Variants in SUCLG2 observed in about 807,000 individuals in gnomAD.
SUCLG2 encodes the protein succinate-CoA ligase GDP-forming subunit beta, also known as succinate--CoA ligase [GDP-forming] subunit beta, mitochondrial.
A neutral mutation model predicts 47.9 loss-of-function variants in SUCLG2; 42 were observed. The ratio of observed to expected loss-of-function variants is 0.88; its 90% confidence interval spans 0.69 to 1.14. The LOEUF (loss-of-function observed/expected upper bound fraction) is 1.14, where lower values mean the gene tolerates loss of function less well. Ranked by LOEUF, SUCLG2 falls within the 50% of genes most tolerant of loss-of-function variation. The probability of loss-of-function intolerance (pLI) is 0.00; values close to 1 mark genes in which losing one functional copy is unlikely to be tolerated. For synonymous variants in SUCLG2, 195 were observed against 197.3 expected (o/e 0.99, Z 0.10); for missense variants, 571 against 525.9 (o/e 1.09, Z -0.84).
intron 1 of SUCLG2, among the ~76,000 whole-genome samples, chr3:67,612,408 A>G (rs1458756565): frequency 7.5e-6 from 1 of 133,584 alleles, no homozygotes; most frequent in African/African-American, 3.1e-5. Context: ...ATTTATGTTT[A>G]CTTCTGCATT....
intron 10 of SUCLG2, among the ~76,000 whole-genome samples, chr3:67,380,038 A>G (rs560364138): frequency 1.3e-5 from 2 of 152,318 alleles, no homozygotes; most frequent in South Asian, 4.1e-4. Flanking sequence ...ATTCCCACAT[A>G]CAAAGTGTGC....
intron 2 of SUCLG2, among the ~76,000 whole-genome samples, chr3:67,533,681 T>C (rs1185340948): frequency 6.6e-6 from 1 of 152,114 alleles, no homozygotes. Flanking sequence ...TCAAAGGAAA[T>C]GAGCTCACTT....
intron 10 of SUCLG2, among the ~76,000 whole-genome samples, chr3:67,396,622 A>C (rs1448382597): frequency 6.6e-6 from 1 of 152,126 alleles, no homozygotes; most frequent in East Asian, 1.9e-4. Flanking sequence ...ATTCCTTCTG[A>C]AACTACTCTA....
chr3:67,515,777 C>T (rs1399334809), intron 6 of SUCLG2, among the ~76,000 whole-genome samples: 1 of 152,118 alleles, frequency 6.6e-6, no homozygotes, highest in Non-Finnish European at 1.5e-5. Context: ...CACTAATCCC[C>T]ACAGCTTGAG....
At chr3:67,469,210 G>A (rs1451572992) in intron 9 of SUCLG2, among the ~76,000 whole-genome samples, 1 of 152,188 alleles carries the variant, frequency 6.6e-6, no homozygotes, top group Admixed American at 6.5e-5. Context: ...TATAAGCTGT[G>A]GTAAGCATTT....
intron 10 of SUCLG2, among the ~76,000 whole-genome samples, chr3:67,378,551 C>T (rs1385669129): frequency 6.6e-6 from 1 of 152,152 alleles, no homozygotes; most frequent in African/African-American, 2.4e-5. Flanking sequence ...GCAAATTCTT[C>T]CCTAGTCAAG....
chr3:67,382,285 C>T (rs143917980), intron 10 of SUCLG2, among the ~76,000 whole-genome samples: 9 of 152,150 alleles, frequency 5.9e-5, no homozygotes, highest in South Asian at 4.2e-4. Context: ...TGGGAGGCTT[C>T]GGAACTGGCC....
At chr3:67,636,940 T>G (rs758438852) in intron 1 of SUCLG2, among the ~76,000 whole-genome samples, 3 of 151,906 alleles carry the variant, frequency 2.0e-5, no homozygotes, top group Non-Finnish European at 4.4e-5. Flanking sequence ...CAGCTGGAAA[T>G]GGCTGCCCAG....
intron 2 of SUCLG2, among the ~76,000 whole-genome samples, chr3:67,549,809 A>C (rs1706964097): frequency 6.6e-6 from 1 of 152,206 alleles, no homozygotes; most frequent in African/African-American, 2.4e-5. Flanking sequence ...CCAAGATATT[A>C]ACTCTGATTA....
intron 10 of SUCLG2, among the ~76,000 whole-genome samples, chr3:67,382,396 G>A (rs1363079314): frequency 6.6e-6 from 1 of 152,144 alleles, no homozygotes; most frequent in Non-Finnish European, 1.5e-5. Flanking sequence ...GTGCTAGAAG[G>A]AATTCACTAG....
At chr3:67,390,652 G>GTT (rs200231997) in intron 10 of SUCLG2, among the ~76,000 whole-genome samples, 180 of 145,188 alleles carry the variant, frequency 1.2e-3, no homozygotes, top group Admixed American at 6.8e-3. Flanking sequence ...TGAAATGAGG[G>GTT]TTTTTTTTTT....
intron 9 of SUCLG2, among the ~76,000 whole-genome samples, chr3:67,438,590 C>G (rs760552991): frequency 6.6e-6 from 1 of 152,100 alleles, no homozygotes; most frequent in Admixed American, 6.5e-5. Flanking sequence ...AAACTACCAT[C>G]AGAGAATACT....
intron 2 of SUCLG2, among the ~76,000 whole-genome samples, chr3:67,547,650 C>G (rs1282440382): frequency 6.6e-6 from 1 of 152,106 alleles, no homozygotes; most frequent in East Asian, 1.9e-4. Flanking sequence ...GATACCTGTC[C>G]AAAAAGCTAA....
chr3:67,492,298 CGTGTAAGTGAACACTAGGTGTTTT>C (rs1186865969), intron 9 of SUCLG2, among the ~76,000 whole-genome samples: 1 of 152,120 alleles, frequency 6.6e-6, no homozygotes, highest in Non-Finnish European at 1.5e-5. Flanking sequence ...CAAGATGTTT[CGTGTAAGTGAACACTAGGTGTTTT>C]GTGTAAGTGA....
chr3:67,544,514 C>T (rs1216369225), intron 2 of SUCLG2, among the ~76,000 whole-genome samples: 6 of 152,174 alleles, frequency 3.9e-5, no homozygotes, highest in Non-Finnish European at 8.8e-5. Flanking sequence ...TTGTAAGTTT[C>T]CTGAGGCCTC....
At position 67,503,025 on chromosome 3, in the gene SUCLG2, C is replaced by G. The variant is rs118101642; in HGVS notation, c.758-4730G>C. Reference sequence around the variant, plus strand: ...AGCAAAGGGTAGCAACTAAGACCCTCAAGCCAGCCCTATTTTTATGAATAA... The same window carrying G: ...AGCAAAGGGTAGCAACTAAGACCCTGAAGCCAGCCCTATTTTTATGAATAA... On this transcript the variant is annotated intron_variant, in intron 7 of 10. Coordinates refer to ENST00000307227, the MANE Select transcript of SUCLG2 (RefSeq NM_003848.4). Among the ~76,000 whole-genome samples, 7 of 152,338 alleles carry G rather than the reference C, an allele frequency of 4.6e-5. No individual in the cohort carries two copies. In the East Asian group the frequency reaches 1.4e-3, roughly 29 times the overall value.
intron 9 of SUCLG2, among the ~76,000 whole-genome samples, chr3:67,408,009 G>T (rs1702853871): frequency 6.6e-6 from 1 of 152,110 alleles, no homozygotes; most frequent in African/African-American, 2.4e-5. Flanking sequence ...AATTAGAGGG[G>T]AGTCTAAATA....
intron 9 of SUCLG2, among the ~76,000 whole-genome samples, chr3:67,460,073 T>C (rs781111350): frequency 3.9e-5 from 6 of 152,250 alleles, no homozygotes; most frequent in Middle Eastern, 3.4e-3. Flanking sequence ...AACAATATCA[T>C]AGAATTGACA....
chr3:67,382,291 T>C (rs1013070963), intron 10 of SUCLG2, among the ~76,000 whole-genome samples: 3 of 152,204 alleles, frequency 2.0e-5, no homozygotes, highest in Admixed American at 1.3e-4. Context: ...GCTTCGGAAC[T>C]GGCCCGACAT....
Sources: gnomAD v4.1 joint callset for allele counts (sites outside exome capture counted in the v4.1 genomes callset) on GRCh38, gnomAD v4.1.1 for gene constraint, MANE v1.5 for transcripts, NCBI Gene and HGNC (gene_info 2026-07-23, HGNC 2026-07-21) for gene names.